Variants in NELL1 observed in about 807,000 individuals in gnomAD.
NELL1 encodes neural EGFL like 1, also known as protein kinase C-binding protein NELL1.
NELL1 carries 76 observed loss-of-function variants against 107.4 expected under a neutral mutation model. The observed-to-expected ratio is 0.71, with a 90% CI of 0.59 to 0.86. The LOEUF is 0.86. Among genes scored for constraint, NELL1 ranks in the 40% least tolerant of loss-of-function variants. The probability of loss-of-function intolerance (pLI) is 0.00; values close to 1 mark genes in which losing one functional copy is unlikely to be tolerated. For missense variants in NELL1, 1,024 were observed against 1,005.5 expected (o/e 1.02, Z -0.25); for synonymous variants, 353 against 341.2 (o/e 1.03, Z -0.38).
intron 13 of NELL1, chr11:21,169,598 G>A (rs1856558449): frequency 1.5e-5 from 5 of 334,070 alleles, no homozygotes; most frequent in African/African-American, 2.2e-5. Context: ...ATGCTAATTG[G>A]AGCTTTATTT....
chr11:20,998,383 T>C (rs1202531107), intron 12 of NELL1, among the ~76,000 whole-genome samples: 1 of 152,234 alleles, frequency 6.6e-6, no homozygotes, highest in Non-Finnish European at 1.5e-5. Flanking sequence ...TTTCATTTTG[T>C]TTTAGCCATA....
At chr11:21,139,167 C>T (rs1187655984) in intron 13 of NELL1, among the ~76,000 whole-genome samples, 3 of 152,156 alleles carry the variant, frequency 2.0e-5, no homozygotes, top group African/African-American at 7.2e-5. Context: ...GGGAAGAGGA[C>T]CTTCTTTGGA....
At chr11:21,148,197 A>T (rs1856030214) in intron 13 of NELL1, among the ~76,000 whole-genome samples, 1 of 152,248 alleles carries the variant, frequency 6.6e-6, no homozygotes, top group Admixed American at 6.5e-5. Context: ...TTCAGAAAAA[A>T]TAATTCCAGA....
At chr11:21,528,594 T>C (rs1855919016) in intron 15 of NELL1, among the ~76,000 whole-genome samples, 1 of 149,304 alleles carries the variant, frequency 6.7e-6, no homozygotes, top group Non-Finnish European at 1.5e-5. Context: ...TCTTGGACTT[T>C]TCAGTCACCA....
chr11:21,307,446 T>C (rs76317567), intron 14 of NELL1, among the ~76,000 whole-genome samples: 7,598 of 152,016 alleles, frequency 0.05, 216 homozygotes, highest in Middle Eastern at 0.095. Context: ...TCTACACTTA[T>C]TCCCAAACAC....
chr11:21,465,169 C>T (rs781528184), intron 15 of NELL1, among the ~76,000 whole-genome samples: 1 of 151,900 alleles, frequency 6.6e-6, no homozygotes, highest in Admixed American at 6.6e-5. Context: ...GATATAGGGG[C>T]CATCACAGAA....
chr11:21,157,442 A>G (rs1480146007), intron 13 of NELL1, among the ~76,000 whole-genome samples: 1 of 152,192 alleles, frequency 6.6e-6, no homozygotes, highest in Non-Finnish European at 1.5e-5. Context: ...ATGAATTAAA[A>G]TGTGTACCAT....
At chr11:20,961,520 C>T (rs1009910948) in intron 12 of NELL1, among the ~76,000 whole-genome samples, 2 of 152,178 alleles carry the variant, frequency 1.3e-5, no homozygotes, top group African/African-American at 2.4e-5. Flanking sequence ...TCACTTTCCT[C>T]TAAGTGGTCT....
chr11:21,142,523 G>A (rs994857884), intron 13 of NELL1, among the ~76,000 whole-genome samples: 4 of 152,206 alleles, frequency 2.6e-5, no homozygotes, highest in African/African-American at 4.8e-5. Context: ...CATTTTGCGG[G>A]CTTAAATCAC....
At chr11:21,272,250 A>T (rs1256029253) in intron 14 of NELL1, among the ~76,000 whole-genome samples, 1 of 152,176 alleles carries the variant, frequency 6.6e-6, no homozygotes, top group Non-Finnish European at 1.5e-5. Context: ...ACACCAGGAG[A>T]TTATATCCCA....
chr11:20,991,966 G>A (rs1851983351), intron 12 of NELL1, among the ~76,000 whole-genome samples: 1 of 128,168 alleles, frequency 7.8e-6, no homozygotes, highest in Admixed American at 8.1e-5. Context: ...TCCTTCTTTG[G>A]TTCTTTCAAA....
chr11:20,896,123 A>T (rs540040538), intron 5 of NELL1, among the ~76,000 whole-genome samples: 2 of 152,216 alleles, frequency 1.3e-5, no homozygotes, highest in East Asian at 3.9e-4. Context: ...GTAGTCTTTT[A>T]TCCCTCACCC....
intron 2 of NELL1, among the ~76,000 whole-genome samples, chr11:20,739,413 TTAA>T (rs1855837202): frequency 3.6e-4 from 2 of 5,578 alleles, no homozygotes; most frequent in African/African-American, 8.4e-4. Context: ...ATGCTCAACA[TTAA>T]ATGAATACTG....
chr11:20,944,311 G>A (rs797019680), intron 10 of NELL1, among the ~76,000 whole-genome samples: 2 of 151,974 alleles, frequency 1.3e-5, no homozygotes, highest in Admixed American at 6.6e-5. Flanking sequence ...TTCACCAAGT[G>A]TTTCCAGGAA....
intron 15 of NELL1, among the ~76,000 whole-genome samples, chr11:21,423,912 A>G (rs920286595): frequency 5.3e-5 from 8 of 152,234 alleles, no homozygotes; most frequent in African/African-American, 1.7e-4. Context: ...GAGATTAGAA[A>G]ATGCTTAGAG....
intron 12 of NELL1, among the ~76,000 whole-genome samples, chr11:21,094,539 A>G (rs1043014936): frequency 6.6e-6 from 1 of 152,224 alleles, no homozygotes; most frequent in Non-Finnish European, 1.5e-5. Context: ...GAGGCTCTCC[A>G]TGAGTGTCCT....
At chr11:21,134,183 C>T (rs1056327703) in intron 13 of NELL1, among the ~76,000 whole-genome samples, 8 of 152,194 alleles carry the variant, frequency 5.3e-5, no homozygotes, top group African/African-American at 1.9e-4. Context: ...TTTAGTGCTT[C>T]TGAAAGTCTA....
At chr11:20,741,931 A>G (rs1162285693) in intron 2 of NELL1, among the ~76,000 whole-genome samples, 3 of 152,186 alleles carry the variant, frequency 2.0e-5, no homozygotes. Flanking sequence ...GGGGATCTTG[A>G]TAACACATGG....
chr11:21,130,128 G>A (rs1218007513), intron 13 of NELL1, among the ~76,000 whole-genome samples: 4 of 152,162 alleles, frequency 2.6e-5, no homozygotes, highest in African/African-American at 9.6e-5. Context: ...TAAGTTTATG[G>A]AATAAAATTT....
Sources: allele counts gnomAD v4.1 joint callset (sites outside exome capture counted in the v4.1 genomes callset), GRCh38; gene constraint gnomAD v4.1.1; transcripts MANE v1.5; gene names NCBI Gene and HGNC (gene_info 2026-07-23, HGNC 2026-07-21).